TRDN: variants seen among roughly 807,000 people sequenced by gnomAD.
TRDN encodes triadin, also known as triadin in skeletal muscle.
Under a neutral mutation model 149.7 loss-of-function variants are expected in TRDN, and 161 were observed. The observed-to-expected ratio is 1.08, with a 90% CI of 0.95 to 1.23. The LOEUF is 1.23. Ranked by LOEUF, TRDN falls within the 50% of genes most tolerant of loss-of-function variation. The probability of loss-of-function intolerance (pLI) is 0.00; values close to 1 mark genes in which losing one functional copy is unlikely to be tolerated. For missense variants in TRDN, 896 were observed against 823.5 expected (o/e 1.09, Z -1.08); for synonymous variants, 294 against 250.5 (o/e 1.17, Z -1.64).
chr6:123,398,668 C>A (rs757536275), intron 12 of TRDN, among the ~76,000 whole-genome samples: 2 of 152,150 alleles, frequency 1.3e-5, no homozygotes, highest in Non-Finnish European at 2.9e-5. Context: ...GTACTTATAA[C>A]TCCAGGAAAG....
At chr6:123,570,623 C>T (rs991981071) in intron 2 of TRDN, among the ~76,000 whole-genome samples, 3 of 152,096 alleles carry the variant, frequency 2.0e-5, no homozygotes, top group African/African-American at 2.4e-5. Context: ...CAGTTCCAAA[C>T]GAAATCTTCA....
At chr6:123,453,890 G>GGTGTGTGTGTGTGTGTGTGT (rs533210679) in intron 10 of TRDN, among the ~76,000 whole-genome samples, 3 of 148,662 alleles carry the variant, frequency 2.0e-5, no homozygotes, top group Non-Finnish European at 1.5e-5. Context: ...AAGAAACTGT[G>GGTGTGTGTGTGTGTGTGTGT]GTGTGTGTGT....
chr6:123,520,867 G>A (rs962745158), intron 5 of TRDN, among the ~76,000 whole-genome samples: 2 of 152,088 alleles, frequency 1.3e-5, no homozygotes, highest in African/African-American at 2.4e-5. Context: ...GATTGCCAGA[G>A]AGGGAAAGAA....
intron 39 of TRDN, among the ~76,000 whole-genome samples, chr6:123,221,827 C>A (rs978181596): frequency 2.6e-5 from 4 of 151,594 alleles, no homozygotes; most frequent in African/African-American, 9.7e-5. Context: ...GACATGCATC[C>A]CTTTCCTGAG....
intron 1 of TRDN, among the ~76,000 whole-genome samples, chr6:123,611,226 C>T (rs1784794311): frequency 6.6e-6 from 1 of 152,024 alleles, no homozygotes; most frequent in Non-Finnish European, 1.5e-5. Flanking sequence ...TAAGGTTTTA[C>T]TTTAAATTCT....
chr6:123,356,597 A>AATTC (rs1780694162), intron 20 of TRDN, among the ~76,000 whole-genome samples: 1 of 146,326 alleles, frequency 6.8e-6, no homozygotes, highest in African/African-American at 2.5e-5. Flanking sequence ...CTAACCCCAT[A>AATTC]TAATGAGAGA....
intron 21 of TRDN, chr6:123,349,614 A>G: frequency 1.1e-6 from 1 of 904,050 alleles, no homozygotes; most frequent in Non-Finnish European, 1.3e-6. Context: ...GTTTTACTTC[A>G]TTGATTTTAA....
At chr6:123,235,460 GAA>G (rs1562223040) in intron 38 of TRDN, among the ~76,000 whole-genome samples, 1 of 152,022 alleles carries the variant, frequency 6.6e-6, no homozygotes, top group African/African-American at 2.4e-5. Flanking sequence ...TAAAGACAAA[GAA>G]AAAGATAAGG....
chr6:123,356,503 TTA>T (rs71021444), intron 20 of TRDN, among the ~76,000 whole-genome samples: 2,093 of 105,528 alleles, frequency 0.02, 9 homozygotes, highest in Non-Finnish European at 0.023. Flanking sequence ...TACAAGAAGT[TTA>T]TATATATATA....
Position 123,267,743 on chromosome 6 carries a change from C to A in TRDN, c.1747G>T (p.Glu583Ter). ...GATGGAGGTTCTCTTTCTCGATGTTCAGCTTTTTCTAGAGAAAGAAATCAA... is the reference window on the plus strand; with the variant it reads ...GATGGAGGTTCTCTTTCTCGATGTTAAGCTTTTTCTAGAGAAAGAAATCAA... ...TAKPKPTKKA[E>*]HREREPPSIK... Residue 583 changes from glutamate to a stop codon, truncating the protein, a stop_gained, in exon 32 of 41, where the codon GAA becomes TAA. Transcript: ENST00000334268. LOFTEE classifies it high-confidence loss of function. 6.4e-7 allele frequency: 1 copy of A among 1,574,180 alleles called. No homozygotes were observed. The highest frequency in any genetic ancestry group is 1.2e-5 in the South Asian group (1 of 84,252).
intron 1 of TRDN, among the ~76,000 whole-genome samples, chr6:123,593,375 A>G (rs1476231328): frequency 6.6e-6 from 1 of 152,210 alleles, no homozygotes; most frequent in Non-Finnish European, 1.5e-5. Context: ...AAACTTAACC[A>G]TGGGTGAAAG....
At chr6:123,313,649 C>G (rs962056939) in intron 24 of TRDN, among the ~76,000 whole-genome samples, 8 of 151,682 alleles carry the variant, frequency 5.3e-5, no homozygotes, top group African/African-American at 1.4e-4. Flanking sequence ...GGAGCTGTGC[C>G]CCAGAGTACA....
intron 21 of TRDN, among the ~76,000 whole-genome samples, chr6:123,347,731 G>C (rs994631819): frequency 6.6e-6 from 1 of 152,042 alleles, no homozygotes; most frequent in South Asian, 2.1e-4. Flanking sequence ...TCTTACAAGT[G>C]AGAATTGAAC....
At chr6:123,405,699 A>G (rs1232009043) in intron 12 of TRDN, among the ~76,000 whole-genome samples, 1 of 152,200 alleles carries the variant, frequency 6.6e-6, no homozygotes, top group Non-Finnish European at 1.5e-5. Context: ...AACCAGGCTC[A>G]CATTATGATG....
At chr6:123,235,265 C>G (rs1215127549) in intron 38 of TRDN, among the ~76,000 whole-genome samples, 1 of 151,976 alleles carries the variant, frequency 6.6e-6, no homozygotes, top group Non-Finnish European at 1.5e-5. Context: ...AGATCATCAG[C>G]TAAAGTTATG....
chr6:123,359,349 G>A (rs752391358), intron 20 of TRDN, among the ~76,000 whole-genome samples: 13 of 152,126 alleles, frequency 8.5e-5, no homozygotes, highest in Non-Finnish European at 2.9e-5. Context: ...GCCAGTTCTT[G>A]GGGCACTCTA....
rs188119592 is a variant in TRDN, at chr6:123,299,916, A to T, written c.1510+16541T>A. ...GATATAAACTAAGCAATATGTTCAC[A>T]TGGAGAAAACTTGTTTCTTTTAAAT... On this transcript the variant is annotated intron_variant, in intron 24 of 40. Coordinates refer to ENST00000334268, the MANE Select transcript of TRDN (RefSeq NM_006073.4). Among the ~76,000 whole-genome samples, 427 of 152,214 alleles carry T rather than the reference A, an allele frequency of 2.8e-3. 4 individuals carry two copies. The highest frequency in any genetic ancestry group is 3.9e-3 in the Non-Finnish European group (265 of 67,960).
chr6:123,332,053 TTTA>T (rs1562265500), intron 22 of TRDN, 124 bp from the exon 23 acceptor site: 3 of 660,204 alleles, frequency 4.5e-6, no homozygotes. Flanking sequence ...TATAATGCAC[TTTA>T]AAAATGGTTT....
intron 5 of TRDN, among the ~76,000 whole-genome samples, chr6:123,525,951 T>C (rs1250594633): frequency 6.6e-6 from 1 of 152,008 alleles, no homozygotes; most frequent in African/African-American, 2.4e-5. Context: ...GTTACATATA[T>C]ATATGGACTT....
Sources: gnomAD v4.1 joint callset for allele counts (sites outside exome capture counted in the v4.1 genomes callset) on GRCh38, gnomAD v4.1.1 for gene constraint, MANE v1.5 for transcripts, NCBI Gene and HGNC (gene_info 2026-07-23, HGNC 2026-07-21) for gene names.